The following BMP6 variants were observed in gnomAD, a reference collection of about 807,000 sequenced individuals.
The protein encoded by BMP6 is VG-1-R.
In BMP6, 17 loss-of-function variants were observed where a neutral mutation model predicts 54.1. The ratio of observed to expected loss-of-function variants is 0.31; its 90% CI spans 0.22 to 0.47. The LOEUF is 0.47. Ranked by LOEUF, BMP6 falls within the 20% of genes least tolerant of loss-of-function variation. BMP6 has a pLI of 1.00. For missense variants in BMP6, 720 were observed against 690.4 expected (o/e 1.04, Z -0.48); for synonymous variants, 328 against 291.2 (o/e 1.13, Z -1.28).
At chr6:7,788,272 C>T (rs1561771781) in intron 1 of BMP6, among the ~76,000 whole-genome samples, 1 of 152,174 alleles carries the variant, frequency 6.6e-6, no homozygotes, top group Non-Finnish European at 1.5e-5. Context: ...TGATAGACCA[C>T]ATGTTAAGGC....
chr6:7,726,223 G>T lies in BMP6; in HGVS notation c.-733G>T, dbSNP rs1017333443. Among the ~76,000 whole-genome samples, 6 of 152,302 alleles carry T rather than the reference G, an allele frequency of 3.9e-5. No individual in the cohort carries two copies. The highest frequency in any genetic ancestry group is 2.1e-4 in the South Asian group (1 of 4,826). Reference sequence around the variant, plus strand: ...CTTCCTTCCCATCCTTTCTGCGAGCGGGTTTGCTGGGCAGCCGGGCGACCG... The same window carrying T: ...CTTCCTTCCCATCCTTTCTGCGAGCTGGTTTGCTGGGCAGCCGGGCGACCG... On this transcript the variant is annotated 5_prime_UTR_variant, in exon 1 of 7. Transcript: ENST00000283147.
chr6:7,796,127 G>C (rs1758188131), intron 1 of BMP6, among the ~76,000 whole-genome samples: 3 of 152,172 alleles, frequency 2.0e-5, no homozygotes, highest in Admixed American at 2.0e-4. Flanking sequence ...AATAGTTCTT[G>C]AGATAGACAA....
At chr6:7,808,817 AG>A (rs1165241037) in intron 1 of BMP6, among the ~76,000 whole-genome samples, 2 of 151,400 alleles carry the variant, frequency 1.3e-5, no homozygotes, top group Non-Finnish European at 2.9e-5. Context: ...AGGAGGCTAA[AG>A]CAGAAGGATT....
chr6:7,772,273 C>T (rs903795733), intron 1 of BMP6, among the ~76,000 whole-genome samples: 1 of 152,152 alleles, frequency 6.6e-6, no homozygotes, highest in Admixed American at 6.5e-5. Context: ...TCATTGTTCA[C>T]GGAAAAGGCA....
intron 4 of BMP6, among the ~76,000 whole-genome samples, chr6:7,873,395 CA>C (rs1759560358): frequency 6.6e-6 from 1 of 152,160 alleles, no homozygotes; most frequent in East Asian, 1.9e-4. Context: ...TAGGCAAGGT[CA>C]AGGGGATAGG....
chr6:7,757,132 C>G (rs1215977601), intron 1 of BMP6, among the ~76,000 whole-genome samples: 1 of 152,180 alleles, frequency 6.6e-6, no homozygotes, highest in Non-Finnish European at 1.5e-5. Context: ...ATTTGGTAGC[C>G]CTCTCCCTGG....
intron 4 of BMP6, among the ~76,000 whole-genome samples, chr6:7,874,321 A>G (rs1743639): frequency 0.99 from 151,050 of 152,318 alleles, 74,901 homozygotes; most frequent in East Asian, 1. Context: ...CACAGCCGCC[A>G]CATGGTTGTT....
rs1158025465 is a variant in BMP6 at position 7,791,900 on chromosome 6, T to TACTTAAGA, written c.665-53238_665-53231dup. Among the ~76,000 whole-genome samples the TACTTAAGA allele has an allele frequency of 2.0e-5, 3 of 152,348 alleles. No individual in the cohort carries two copies. The East Asian group carries it at 5.8e-4, about 29-fold the overall frequency. On this transcript the variant is annotated intron_variant, in intron 1 of 6. Coordinates refer to ENST00000283147, the MANE Select transcript of BMP6 (RefSeq NM_001718.6). ...TTATCCTTTGCCACCCTTTGCCTCC[T>TACTTAAGA]ACTTAAGAATCAAAAACCCTGTAAG...
rs540039800 is a variant in BMP6 at position 7,831,370 on chromosome 6, T to G, written c.665-13770T>G. On this transcript the variant is annotated intron_variant, in intron 1 of 6. Coordinates refer to ENST00000283147, the MANE Select transcript of BMP6 (RefSeq NM_001718.6). ...GCGATGAAAATGTTTTGGAATCATT[T>G]AGAGGTAGTGGATGCACAACATTAT... Among the ~76,000 whole-genome samples the G allele has an allele frequency of 3.4e-4, 52 of 152,290 alleles. 1 individual carries two copies. Among genetic ancestry groups the G allele is most frequent in the Admixed American group, 2.7e-3 (41 of 15,300 alleles).
At chr6:7,824,694 C>A (rs1483802299) in intron 1 of BMP6, among the ~76,000 whole-genome samples, 1 of 152,142 alleles carries the variant, frequency 6.6e-6, no homozygotes, top group Non-Finnish European at 1.5e-5. Context: ...TATTAACATA[C>A]CTTGTAGATA....
intron 1 of BMP6, among the ~76,000 whole-genome samples, chr6:7,728,325 A>G (rs1029201342): frequency 7.2e-5 from 11 of 152,172 alleles, no homozygotes; most frequent in African/African-American, 2.7e-4. Context: ...CAAAGGCTGA[A>G]CCTTTGATCA....
At chr6:7,821,274 C>T (rs1758607172) in intron 1 of BMP6, among the ~76,000 whole-genome samples, 1 of 152,222 alleles carries the variant, frequency 6.6e-6, no homozygotes, top group African/African-American at 2.4e-5. Flanking sequence ...CCTGTCCCCA[C>T]CCAGGGGTGG....
At position 7,844,189 on chromosome 6, in the gene BMP6, G is replaced by T. The variant is rs551974453; in HGVS notation, c.665-951G>T. 3.3e-5 allele frequency among the ~76,000 whole-genome samples: 5 copies of T among 152,224 alleles called. No individual in the cohort carries two copies. The East Asian group carries it at 9.7e-4, about 29-fold the overall frequency. On this transcript the variant is annotated intron_variant, in intron 1 of 6. Transcript: ENST00000283147. ...ATTTCACTTCACATAACATCCTCCA[G>T]GTTCATCCATGTTGCAAGTGGCAGA...
At chr6:7,774,892 C>G (rs1561767880) in intron 1 of BMP6, among the ~76,000 whole-genome samples, 2 of 152,148 alleles carry the variant, frequency 1.3e-5, no homozygotes, top group Non-Finnish European at 2.9e-5. Flanking sequence ...AGCATGGCAC[C>G]ATCATCTGTT....
chr6:7,825,195 C>G (rs1415653829), intron 1 of BMP6, among the ~76,000 whole-genome samples: 1 of 148,648 alleles, frequency 6.7e-6, no homozygotes, highest in African/African-American at 2.5e-5. Context: ...TGGCACACAC[C>G]TCTAGTTCCA....
intron 1 of BMP6, among the ~76,000 whole-genome samples, chr6:7,745,792 T>C (rs1413469646): frequency 6.6e-6 from 1 of 151,432 alleles, no homozygotes; most frequent in Middle Eastern, 3.2e-3. Flanking sequence ...AGCATGATGG[T>C]ATCTATGATA....
chr6:7,866,812 C>A (rs903837830), intron 4 of BMP6, among the ~76,000 whole-genome samples: 17 of 152,364 alleles, frequency 1.1e-4, no homozygotes, highest in Middle Eastern at 3.4e-3. Context: ...CCTCTTGAGA[C>A]ACTGTCTGTC....
intron 4 of BMP6, among the ~76,000 whole-genome samples, chr6:7,865,370 C>G (rs1402695420): frequency 6.6e-6 from 1 of 152,174 alleles, no homozygotes; most frequent in African/African-American, 2.4e-5. Flanking sequence ...CCGGTCTCAC[C>G]TATTTAAAGG....
At chr6:7,766,992 G>GT (rs10557470) in intron 1 of BMP6, among the ~76,000 whole-genome samples, 11,927 of 140,526 alleles carry the variant, frequency 0.085, 1,626 homozygotes, top group African/African-American at 0.29. Flanking sequence ...TAGTTTGTTT[G>GT]TTTTTTTTTT....
Sources: gnomAD v4.1 joint callset for allele counts (sites outside exome capture counted in the v4.1 genomes callset) on GRCh38, gnomAD v4.1.1 for gene constraint, MANE v1.5 for transcripts, NCBI Gene and HGNC (gene_info 2026-07-23, HGNC 2026-07-21) for gene names.